Variants in METTL25 observed in about 807,000 individuals in gnomAD.
METTL25 encodes methyltransferase like 25.
A neutral mutation model predicts 71.6 loss-of-function variants in METTL25; 64 were observed. That is an observed-to-expected ratio of 0.89 (90% CI 0.73 to 1.10). The LOEUF is 1.10. Ranked by LOEUF, METTL25 falls within the 50% of genes least tolerant of loss-of-function variation. The pLI, the probability that METTL25 is intolerant of heterozygous loss-of-function variation, is 0.00. For synonymous variants in METTL25, 287 were observed against 250.3 expected (o/e 1.15, Z -1.38); for missense variants, 807 against 707.0 (o/e 1.14, Z -1.60).
At chr12:82,404,214 A>G (rs1886884174) in intron 5 of METTL25, among the ~76,000 whole-genome samples, 1 of 152,062 alleles carries the variant, frequency 6.6e-6, no homozygotes, top group African/African-American at 2.4e-5. Context: ...GACTGTATAG[A>G]GATAGAATGA....
intron 5 of METTL25, among the ~76,000 whole-genome samples, chr12:82,415,182 T>A (rs1489980174): frequency 6.6e-6 from 1 of 152,084 alleles, no homozygotes; most frequent in Non-Finnish European, 1.5e-5. Flanking sequence ...CTGGACTGAT[T>A]CATTAATAAA....
intron 4 of METTL25, among the ~76,000 whole-genome samples, chr12:82,401,861 A>G (rs1052933877): frequency 6.6e-6 from 1 of 152,086 alleles, no homozygotes; most frequent in Non-Finnish European, 1.5e-5. Flanking sequence ...TCATCTGGAA[A>G]ATTGAGAGGC....
At position 82,466,924 on chromosome 12, in the gene METTL25, C is replaced by CTTTTA. The variant is rs553553547; in HGVS notation, c.1573-9700_1573-9696dup. The stretch of plus-strand genomic sequence containing the variant: ...CAATTTTTCCGTTAGCATAGAATAC[C>CTTTTA]TTTTATTTTATTTTATTTTATTTTG... On this transcript the variant is annotated intron_variant, in intron 9 of 11. Transcript: ENST00000248306. Among the ~76,000 whole-genome samples, 37 of 151,776 alleles carry CTTTTA rather than the reference C, an allele frequency of 2.4e-4. No individual in the cohort carries two copies. In the South Asian group the frequency reaches 2.9e-3, roughly 12 times the overall value.
At chr12:82,370,570 G>A (rs1338717383) in intron 1 of METTL25, among the ~76,000 whole-genome samples, 1 of 152,156 alleles carries the variant, frequency 6.6e-6, no homozygotes, top group Admixed American at 6.5e-5. Flanking sequence ...AGTCCTTGGC[G>A]GTTTTGGACA....
intron 8 of METTL25, among the ~76,000 whole-genome samples, chr12:82,444,322 T>C (rs1024583882): frequency 1.3e-5 from 2 of 152,150 alleles, no homozygotes; most frequent in Non-Finnish European, 2.9e-5. Context: ...CTTTCAAATA[T>C]GAAGGGAGAT....
At chr12:82,465,558 T>G (rs1340404379) in intron 9 of METTL25, among the ~76,000 whole-genome samples, 2 of 151,976 alleles carry the variant, frequency 1.3e-5, no homozygotes, top group African/African-American at 4.8e-5. Flanking sequence ...GCCTGTAGTT[T>G]TATGTTTTTG....
chr12:82,420,752 C>T (rs988449198), intron 5 of METTL25, among the ~76,000 whole-genome samples: 3 of 151,880 alleles, frequency 2.0e-5, no homozygotes, highest in African/African-American at 7.3e-5. Context: ...AGGATTTTGT[C>T]AATTGTACTA....
intron 2 of METTL25, chr12:82,389,032 A>G (rs1442243642): frequency 6.6e-6 from 1 of 152,104 alleles, no homozygotes; most frequent in East Asian, 1.9e-4. Flanking sequence ...CTGTCGTGCC[A>G]TAATAACCAT....
intron 9 of METTL25, among the ~76,000 whole-genome samples, chr12:82,471,814 G>C (rs1236230107): frequency 6.6e-6 from 1 of 152,132 alleles, no homozygotes; most frequent in Non-Finnish European, 1.5e-5. Context: ...TTAGTTCTCA[G>C]TAAATCATTT....
chr12:82,361,987 AT>A (rs34360379), intron 1 of METTL25, among the ~76,000 whole-genome samples: 4,221 of 152,318 alleles, frequency 0.028, 72 homozygotes, highest in Middle Eastern at 0.044. Flanking sequence ...TTCTGCTGAT[AT>A]TTTGTGAGGA....
At chr12:82,360,142 TTAAA>T (rs757596006) in intron 1 of METTL25, among the ~76,000 whole-genome samples, 9 of 152,190 alleles carry the variant, frequency 5.9e-5, no homozygotes, top group Non-Finnish European at 1.2e-4. Context: ...CATGTTAGTT[TTAAA>T]TAAATAAAAT....
At chr12:82,461,216 C>A (rs1012344934) in intron 9 of METTL25, among the ~76,000 whole-genome samples, 2 of 152,104 alleles carry the variant, frequency 1.3e-5, no homozygotes, top group African/African-American at 4.8e-5. Context: ...TATGGAAATT[C>A]TCTGTCCTAT....
chr12:82,385,902 C>T (rs1317015162), intron 1 of METTL25, among the ~76,000 whole-genome samples: 1 of 152,150 alleles, frequency 6.6e-6, no homozygotes, highest in Non-Finnish European at 1.5e-5. Flanking sequence ...TTCTGACACT[C>T]TTAAAACTTC....
intron 6 of METTL25, 142 bp downstream of exon 6, chr12:82,431,129 A>T: frequency 2.2e-6 from 1 of 445,812 alleles, no homozygotes; most frequent in Non-Finnish European, 4.1e-6. Flanking sequence ...TATAAGAAAA[A>T]AATGACTTGC....
At chr12:82,389,721 T>C in intron 2 of METTL25, 95 bp from the exon 3 acceptor site, 1 of 702,344 alleles carries the variant, frequency 1.4e-6, no homozygotes, top group East Asian at 2.7e-5. Context: ...TCTGTATTAT[T>C]TTCCTACTTA....
intron 8 of METTL25, among the ~76,000 whole-genome samples, chr12:82,451,070 C>G (rs918659868): frequency 2.0e-5 from 3 of 151,996 alleles, no homozygotes; most frequent in African/African-American, 7.3e-5. Flanking sequence ...GTAATAGAAC[C>G]AAAGAACCTG....
chr12:82,461,616 C>T (rs769443001), intron 9 of METTL25, among the ~76,000 whole-genome samples: 5 of 150,040 alleles, frequency 3.3e-5, no homozygotes, highest in Non-Finnish European at 5.9e-5. Context: ...AATAAACCTA[C>T]GAGAAAAAAA....
At chr12:82,409,849 C>T (rs768108162) in intron 5 of METTL25, among the ~76,000 whole-genome samples, 1 of 152,026 alleles carries the variant, frequency 6.6e-6, no homozygotes, top group Non-Finnish European at 1.5e-5. Context: ...TAGAGGGTCA[C>T]GAATCATCTT....
chr12:82,383,626 G>T (rs1302838183), intron 1 of METTL25, among the ~76,000 whole-genome samples: 1 of 152,132 alleles, frequency 6.6e-6, no homozygotes, highest in Non-Finnish European at 1.5e-5. Context: ...ATGAATTATT[G>T]TAAGACCTAA....
Sources: gnomAD v4.1 joint callset for allele counts (sites outside exome capture counted in the v4.1 genomes callset) on GRCh38, gnomAD v4.1.1 for gene constraint, MANE v1.5 for transcripts, NCBI Gene and HGNC (gene_info 2026-07-23, HGNC 2026-07-21) for gene names.